Variants in GPC5 observed in about 807,000 individuals in gnomAD.
GPC5 encodes glypican-5.
A neutral mutation model predicts 53.9 loss-of-function variants in GPC5; 47 were observed. The ratio of observed to expected loss-of-function variants is 0.87; its 90% CI spans 0.69 to 1.11. The LOEUF (loss-of-function observed/expected upper bound fraction) is 1.11, where lower values mean the gene tolerates loss of function less well. Among genes scored for constraint, GPC5 ranks in the 50% most tolerant of loss-of-function variants. The pLI, the probability that GPC5 is intolerant of heterozygous loss-of-function variation, is 0.00. For synonymous variants in GPC5, 286 were observed against 263.3 expected (o/e 1.09, Z -0.84); for missense variants, 748 against 713.1 (o/e 1.05, Z -0.56).
At chr13:92,724,110 A>G (rs1335213625) in intron 7 of GPC5, among the ~76,000 whole-genome samples, 3 of 151,612 alleles carry the variant, frequency 2.0e-5, no homozygotes, top group African/African-American at 2.4e-5. Flanking sequence ...ATGGAAAAAC[A>G]TAAGTTAAAT....
chr13:91,747,654 T>TC (rs2037080921), intron 4 of GPC5, among the ~76,000 whole-genome samples: 3 of 151,516 alleles, frequency 2.0e-5, no homozygotes, highest in African/African-American at 7.3e-5. Context: ...TTTTTTTTTC[T>TC]AATCTAACAA....
chr13:92,340,850 C>G (rs1348370908), intron 7 of GPC5, among the ~76,000 whole-genome samples: 1 of 152,184 alleles, frequency 6.6e-6, no homozygotes, highest in Admixed American at 6.6e-5. Flanking sequence ...CATTTGCCTC[C>G]TTATATTTTG....
chr13:92,558,752 A>T (rs1882590056), intron 7 of GPC5, among the ~76,000 whole-genome samples: 1 of 151,996 alleles, frequency 6.6e-6, no homozygotes, highest in Non-Finnish European at 1.5e-5. Flanking sequence ...AGCCTAGAAC[A>T]ACATTACTAT....
At chr13:92,860,129 T>C (rs557082381) in intron 7 of GPC5, among the ~76,000 whole-genome samples, 2 of 152,224 alleles carry the variant, frequency 1.3e-5, no homozygotes, top group African/African-American at 4.8e-5. Context: ...TTACTTCATT[T>C]CATTCATTGT....
At chr13:91,951,812 G>GT (rs1222825311) in intron 6 of GPC5, among the ~76,000 whole-genome samples, 3 of 152,144 alleles carry the variant, frequency 2.0e-5, no homozygotes, top group Non-Finnish European at 2.9e-5. Context: ...TCTAAAAAAT[G>GT]TATGTTGCTC....
At chr13:91,965,144 A>C (rs2040168767) in intron 6 of GPC5, among the ~76,000 whole-genome samples, 1 of 151,756 alleles carries the variant, frequency 6.6e-6, no homozygotes, top group African/African-American at 2.4e-5. Context: ...ATGAGGAGTT[A>C]ATGGGTGCAG....
intron 2 of GPC5, among the ~76,000 whole-genome samples, chr13:91,683,930 C>T (rs929856679): frequency 2.6e-5 from 4 of 152,160 alleles, no homozygotes; most frequent in African/African-American, 9.7e-5. Context: ...TGCCTTAATT[C>T]TTGTCCTTTT....
At chr13:91,792,239 A>G (rs868384279) in intron 5 of GPC5, among the ~76,000 whole-genome samples, 4 of 152,214 alleles carry the variant, frequency 2.6e-5, no homozygotes, top group African/African-American at 9.6e-5. Context: ...GCAGCAACCC[A>G]GTCATTTCTT....
At chr13:92,004,489 T>TATATATATATATAAAA (rs1440395882) in intron 6 of GPC5, among the ~76,000 whole-genome samples, 3 of 122,738 alleles carry the variant, frequency 2.4e-5, no homozygotes, top group African/African-American at 1.0e-4. Flanking sequence ...TATATATATA[T>TATATATATATATAAAA]AATTACACTA....
chr13:92,148,610 G>A (rs1176768945), intron 7 of GPC5, among the ~76,000 whole-genome samples: 2 of 152,054 alleles, frequency 1.3e-5, no homozygotes, highest in Admixed American at 1.3e-4. Flanking sequence ...TTTATTATAT[G>A]TATTTGGTTC....
chr13:91,734,537 G>A (rs1054553693), intron 4 of GPC5, among the ~76,000 whole-genome samples: 2 of 151,522 alleles, frequency 1.3e-5, no homozygotes, highest in Admixed American at 6.5e-5. Flanking sequence ...CAGTACAGAG[G>A]TAGTGTCTAA....
chr13:92,481,017 A>G (rs1382923972), intron 7 of GPC5, among the ~76,000 whole-genome samples: 5 of 152,232 alleles, frequency 3.3e-5, no homozygotes, highest in Non-Finnish European at 7.3e-5. Context: ...GTTCTCCCCT[A>G]GAACATCCAG....
At chr13:92,351,391 G>A (rs1381509761) in intron 7 of GPC5, among the ~76,000 whole-genome samples, 2 of 151,378 alleles carry the variant, frequency 1.3e-5, no homozygotes, top group Admixed American at 1.3e-4. Flanking sequence ...TTAAAAATAT[G>A]GAATAAAATT....
At chr13:92,111,323 T>A (rs2041555022) in intron 6 of GPC5, among the ~76,000 whole-genome samples, 1 of 152,134 alleles carries the variant, frequency 6.6e-6, no homozygotes. Context: ...TTCTCTTTAC[T>A]CATACCCATG....
intron 7 of GPC5, among the ~76,000 whole-genome samples, chr13:92,172,253 T>C (rs1336039960): frequency 1.3e-5 from 2 of 151,924 alleles, no homozygotes; most frequent in African/African-American, 4.8e-5. Context: ...CAGTTTGGAG[T>C]AGTGGGGTCA....
At chr13:92,864,184 G>T (rs1879271893) in intron 7 of GPC5, among the ~76,000 whole-genome samples, 2 of 152,122 alleles carry the variant, frequency 1.3e-5, no homozygotes, top group Non-Finnish European at 2.9e-5. Flanking sequence ...CTACGGCCAT[G>T]ACTGCCAGGC....
intron 7 of GPC5, among the ~76,000 whole-genome samples, chr13:92,790,946 G>A (rs573296731): frequency 6.6e-6 from 1 of 152,154 alleles, no homozygotes; most frequent in East Asian, 1.9e-4. Flanking sequence ...AACTTACCTA[G>A]GTTCAATGGA....
At chr13:92,685,743 T>A (rs1887256256) in intron 7 of GPC5, among the ~76,000 whole-genome samples, 2 of 103,204 alleles carry the variant, frequency 1.9e-5, no homozygotes, top group Non-Finnish European at 3.7e-5. Context: ...CCCCAGAGTG[T>A]GATATTCCCC....
chr13:91,746,540 T>C (rs1161685130), intron 4 of GPC5, among the ~76,000 whole-genome samples: 1 of 152,162 alleles, frequency 6.6e-6, no homozygotes, highest in Non-Finnish European at 1.5e-5. Context: ...TATAAATGTT[T>C]AAAATGAAAC....
Sources: gnomAD v4.1 joint callset for allele counts (sites outside exome capture counted in the v4.1 genomes callset) on GRCh38, gnomAD v4.1.1 for gene constraint, MANE v1.5 for transcripts, NCBI Gene and HGNC (gene_info 2026-07-23, HGNC 2026-07-21) for gene names.